The following TRPC5 variants were observed in gnomAD, a reference collection of about 807,000 sequenced individuals.
TRPC5 encodes short transient receptor potential channel 5.
Under a neutral mutation model 56.5 loss-of-function variants are expected in TRPC5, and 9 were observed. The observed-to-expected ratio is 0.16, with a 90% CI of 0.10 to 0.28. The LOEUF is 0.28. Among genes scored for constraint, TRPC5 ranks in the 10% least tolerant of loss-of-function variants. The pLI, the probability that TRPC5 is intolerant of heterozygous loss-of-function variation, is 1.00. For synonymous variants in TRPC5, 282 were observed against 278.5 expected (o/e 1.01, Z -0.13); for missense variants, 469 against 748.9 (o/e 0.63, Z 4.36).
intron 2 of TRPC5, among the ~76,000 whole-genome samples, chrX:111,916,078 T>G (rs940919163): frequency 3.6e-5 from 4 of 111,783 alleles, no homozygotes; most frequent in African/African-American, 1.3e-4. Flanking sequence ...TGAGCTGTGA[T>G]CATGCCACTG....
intron 3 of TRPC5, among the ~76,000 whole-genome samples, chrX:111,893,262 T>G (rs1044207621): frequency 4.5e-5 from 5 of 110,786 alleles, no homozygotes; most frequent in African/African-American, 1.6e-4. Context: ...TTTATTTCCC[T>G]TATTGTAGAC....
chrX:111,783,712 C>G (rs1339604794), intron 7 of TRPC5, among the ~76,000 whole-genome samples: 2 of 110,501 alleles, frequency 1.8e-5, no homozygotes, highest in East Asian at 5.6e-4. Context: ...TGTATCTTGT[C>G]TTTTCATTCT....
chrX:112,023,551 T>C (rs1929341628), intron 1 of TRPC5, among the ~76,000 whole-genome samples: 1 of 110,542 alleles, frequency 9.0e-6, no homozygotes, highest in South Asian at 3.8e-4. Flanking sequence ...GTCTGGTTTA[T>C]AAATCTTCTT....
intron 3 of TRPC5, among the ~76,000 whole-genome samples, chrX:111,893,798 C>G (rs1859878): frequency 0.17 from 18,717 of 111,476 alleles, 2,828 homozygotes; most frequent in African/African-American, 0.49. Context: ...CAGGCAAATG[C>G]TGTATTGCAC....
chrX:112,063,369 A>AG (rs897713145), intron 1 of TRPC5, among the ~76,000 whole-genome samples: 20 of 111,954 alleles, frequency 1.8e-4, no homozygotes, highest in African/African-American at 6.2e-4. Flanking sequence ...CAATCCATTC[A>AG]GGGGCTAAAT....
intron 1 of TRPC5, among the ~76,000 whole-genome samples, chrX:111,988,092 A>T (rs767180812): frequency 8.3e-4 from 93 of 112,680 alleles, no homozygotes; most frequent in Non-Finnish European, 1.6e-3. Context: ...TGGTTGTTAA[A>T]CATTTACCAG....
chrX:112,027,027 C>G (rs2147715568), intron 1 of TRPC5, among the ~76,000 whole-genome samples: 1 of 111,453 alleles, frequency 9.0e-6, no homozygotes, highest in Admixed American at 9.5e-5. Context: ...AAATTTCTTG[C>G]CTTTTTCCTG....
intron 1 of TRPC5, among the ~76,000 whole-genome samples, chrX:112,011,873 T>G (rs1405434747): frequency 8.9e-6 from 1 of 112,036 alleles, no homozygotes; most frequent in Non-Finnish European, 1.9e-5. Flanking sequence ...TCAAACTTCA[T>G]GTATACAGCA....
intron 7 of TRPC5, among the ~76,000 whole-genome samples, chrX:111,790,961 A>G (rs1426873622): frequency 1.1e-5 from 1 of 89,746 alleles, no homozygotes; most frequent in African/African-American, 4.4e-5. Flanking sequence ...CAGAGGTTGC[A>G]GTGAGCCAAG....
chrX:111,798,687 C>T (rs1325128541), intron 7 of TRPC5, among the ~76,000 whole-genome samples: 2 of 111,851 alleles, frequency 1.8e-5, no homozygotes, highest in Non-Finnish European at 3.8e-5. Flanking sequence ...GAAGCTGTCA[C>T]TGCAGCTATT....
rs761629176 is a variant in TRPC5 at position 111,917,925 on chromosome X, TTTAAAA to T, written c.379-5119_379-5114del. ...CTTCTTCTGCACCTGTGCCCTAGCT[TTTAAAA>T]CAAGGCTTCACCCTTGTCTGAGTTT... On this transcript the variant is annotated intron_variant, in intron 2 of 10. Coordinates refer to ENST00000262839, the MANE Select transcript of TRPC5 (RefSeq NM_012471.3). 1.2e-4 allele frequency among the ~76,000 whole-genome samples: 13 copies of T among 112,874 alleles called. No homozygotes were observed. The East Asian group carries it at 3.1e-3, about 26-fold the overall frequency.
chrX:111,827,837 A>G (rs949856878), intron 7 of TRPC5, among the ~76,000 whole-genome samples: 1 of 111,250 alleles, frequency 9.0e-6, no homozygotes, highest in African/African-American at 3.3e-5. Context: ...ATGGCTCCCT[A>G]TCATGCTTAG....
intron 7 of TRPC5, among the ~76,000 whole-genome samples, chrX:111,787,052 A>G (rs1055863801): frequency 1.5e-4 from 17 of 111,742 alleles, no homozygotes; most frequent in African/African-American, 5.2e-4. Flanking sequence ...TGAAACAAGG[A>G]GACCTAATAG....
intron 1 of TRPC5, among the ~76,000 whole-genome samples, chrX:112,080,918 T>G (rs977650661): frequency 6.2e-5 from 7 of 112,399 alleles, no homozygotes; most frequent in Non-Finnish European, 7.5e-5. Context: ...ATTTCACATT[T>G]GAAGCCAAGG....
chrX:111,939,227 C>A (rs1393909107), intron 2 of TRPC5, among the ~76,000 whole-genome samples: 2 of 111,740 alleles, frequency 1.8e-5, no homozygotes, highest in African/African-American at 6.5e-5. Flanking sequence ...GTTAAACCAT[C>A]CTTGCATCTC....
At chrX:111,829,205 G>T (rs749370343) in intron 7 of TRPC5, among the ~76,000 whole-genome samples, 22 of 106,869 alleles carry the variant, frequency 2.1e-4, no homozygotes, top group African/African-American at 7.5e-4. Flanking sequence ...AGGAGGCTGA[G>T]GTAGGAGAAT....
chrX:111,877,492 G>T (rs1237384643), intron 3 of TRPC5, among the ~76,000 whole-genome samples: 2 of 111,012 alleles, frequency 1.8e-5, no homozygotes, highest in African/African-American at 6.6e-5. Flanking sequence ...TAAACCTCAA[G>T]TTTAGGATAT....
At chrX:111,851,634 G>A (rs1209899618) in intron 5 of TRPC5, among the ~76,000 whole-genome samples, 1 of 109,970 alleles carries the variant, frequency 9.1e-6, no homozygotes, top group African/African-American at 3.3e-5. Context: ...TCTGGTGGTG[G>A]AAGTGATGAG....
At chrX:112,050,199 A>G (rs749204727) in intron 1 of TRPC5, among the ~76,000 whole-genome samples, 86 of 111,186 alleles carry the variant, frequency 7.7e-4, no homozygotes, top group Middle Eastern at 4.7e-3. Flanking sequence ...ACAAACAAAC[A>G]AACAAACAAA....
Sources: allele counts gnomAD v4.1 joint callset (sites outside exome capture counted in the v4.1 genomes callset), GRCh38; gene constraint gnomAD v4.1.1; transcripts MANE v1.5; gene names NCBI Gene and HGNC (gene_info 2026-07-23, HGNC 2026-07-21).